Variants in CTNND1 observed in about 807,000 individuals in gnomAD.
CTNND1 encodes the protein catenin delta-1.
In CTNND1, 16 loss-of-function variants were observed where a neutral mutation model predicts 112.1. The ratio of observed to expected loss-of-function variants is 0.14; its 90% CI spans 0.10 to 0.22. The LOEUF is 0.22. Ranked by LOEUF, CTNND1 falls within the 10% of genes least tolerant of loss-of-function variation. The pLI, the probability that CTNND1 is intolerant of heterozygous loss-of-function variation, is 1.00. For synonymous variants in CTNND1, 420 were observed against 446.5 expected (o/e 0.94, Z 0.75); for missense variants, 1,008 against 1,257.0 (o/e 0.80, Z 3.00).
Position 57,806,908 on chromosome 11 carries a change from T to A in CTNND1, c.1895-7T>A. 2 of 1,590,218 alleles carry A rather than the reference T, an allele frequency of 1.3e-6. No homozygotes were observed. The highest frequency in any genetic ancestry group is 1.7e-6 in the Non-Finnish European group (2 of 1,167,702). The stretch of plus-strand genomic sequence containing the variant: ...ACCCCTTTTCCCGCCCTTTTTCATT[T>A]TTGTAGGGAAAAAACCTATAGAGGA... On this transcript the variant is annotated splice_polypyrimidine_tract_variant and splice_region_variant and intron_variant, in intron 11 of 20. Coordinates refer to ENST00000399050, the MANE Select transcript of CTNND1 (RefSeq NM_001085458.2).
intron 1 of CTNND1, among the ~76,000 whole-genome samples, chr11:57,787,485 C>G (rs2060255922): frequency 2.0e-5 from 3 of 152,204 alleles, no homozygotes; most frequent in Non-Finnish European, 4.4e-5. Flanking sequence ...ATATAACATA[C>G]ATTGTCTCAC....
intron 3 of CTNND1, among the ~76,000 whole-genome samples, chr11:57,793,659 G>A (rs1156590935): frequency 6.6e-6 from 1 of 152,164 alleles, no homozygotes; most frequent in Non-Finnish European, 1.5e-5. Context: ...AAATTATCTA[G>A]GTCTGTGCTG....
chr11:57,774,033 T>A (rs1443105583), intron 1 of CTNND1, among the ~76,000 whole-genome samples: 2 of 152,252 alleles, frequency 1.3e-5, no homozygotes, highest in Admixed American at 1.3e-4. Context: ...AATGCCATTC[T>A]TCTTTCTTGA....
In CTNND1 at chr11:57,802,158, G is replaced by T. The variant is rs751657184; in HGVS notation, c.1382G>T (p.Arg461Leu). The part of the protein sequence containing the change: ...DGVPALVRLL[R>L]KARDMDLTEV... ...GTGCCTGCCCTTGTGCGATTGCTTC[G>T]AAAGGCTCGTGATATGGACCTTACT... Residue 461 changes from arginine (R) to leucine (L), a missense_variant, in exon 7 of 21, where the codon CGA becomes CTA. Physicochemically the swap from Arg to Leu is moderately radical, Grantham distance 102. Coordinates refer to ENST00000399050, the MANE Select transcript of CTNND1 (RefSeq NM_001085458.2). The T allele has an allele frequency of 4.3e-6, 7 of 1,613,784 alleles. No individual in the cohort carries two copies. The South Asian group carries it at 6.6e-5, about 15-fold the overall frequency.
intron 1 of CTNND1, among the ~76,000 whole-genome samples, chr11:57,775,788 G>C (rs963534893): frequency 6.6e-6 from 1 of 152,100 alleles, no homozygotes; most frequent in African/African-American, 2.4e-5. Context: ...ACTAATGTTC[G>C]TGTATAGCCG....
Position 57,796,843 on chromosome 11 carries a change from C to T in CTNND1, c.807C>T (p.Ser269=), listed in dbSNP as rs747438328. 1.7e-5 allele frequency: 27 copies of T among 1,611,748 alleles called. No individual in the cohort carries two copies. The highest frequency in any genetic ancestry group is 1.2e-4 in the African/African-American group (9 of 74,900). Reference sequence around the variant, plus strand: ...CCCAGGTTCGGGTAGGTGGGAGCAGCGTGGATCTGCATCGCTTTCATCCAG... The same window carrying T: ...CCCAGGTTCGGGTAGGTGGGAGCAGTGTGGATCTGCATCGCTTTCATCCAG... ...PQPQVRVGGS[S]VDLHRFHPEP... The change falls in exon 6 of 21, where the codon AGC becomes AGT. Residue 269 remains serine, a synonymous_variant. Coordinates refer to ENST00000399050, the MANE Select transcript of CTNND1 (RefSeq NM_001085458.2).
Position 57,766,292 on chromosome 11 carries a change from A to G in CTNND1, c.-214+4173A>G, listed in dbSNP as rs72929820. Among the ~76,000 whole-genome samples, 1,118 of 152,266 alleles carry G rather than the reference A, an allele frequency of 7.3e-3. 5 individuals are homozygous for G. Among genetic ancestry groups the G allele is most frequent in the Non-Finnish European group, 0.013 (862 of 68,024 alleles). Reference sequence around the variant, plus strand: ...TTCTGTGCTTGTTAATAAAAACGTTAAGAGCTTGGGATGATAGTTTTGAAC... The same window carrying G: ...TTCTGTGCTTGTTAATAAAAACGTTGAGAGCTTGGGATGATAGTTTTGAAC... On this transcript the variant is annotated intron_variant, in intron 1 of 20. Transcript: ENST00000399050.
Position 57,809,575 on chromosome 11 carries a change from G to A in CTNND1, c.2435+109G>A, listed in dbSNP as rs1394007669. The A allele has an allele frequency of 4.4e-6, 4 of 916,060 alleles. No homozygotes were observed. In the African/African-American group the frequency reaches 5.0e-5, roughly 11 times the overall value. The allele number at this position is 916,060 out of a possible 1,614,324, so 56.7% of individuals were successfully genotyped here. ...ATTTCCCCTTATTTACGTGTAATGTGTGAAGAGCTATTGCTCTATTATCTG... is the reference window on the plus strand; with the variant it reads ...ATTTCCCCTTATTTACGTGTAATGTATGAAGAGCTATTGCTCTATTATCTG... On this transcript the variant is annotated intron_variant, in intron 15 of 20. Transcript: ENST00000399050.
intron 5 of CTNND1, among the ~76,000 whole-genome samples, chr11:57,796,169 G>A (rs2061338678): frequency 6.6e-6 from 1 of 151,982 alleles, no homozygotes; most frequent in South Asian, 2.1e-4. Context: ...GGCGGATCAC[G>A]AGGTCAGGAG....
chr11:57,810,631 TA>T, intron 16 of CTNND1, among the ~76,000 whole-genome samples: 1 of 151,920 alleles, frequency 6.6e-6, no homozygotes, highest in East Asian at 1.9e-4. Context: ...GGCCTCATGT[TA>T]AATCTATTTT....
intron 1 of CTNND1, among the ~76,000 whole-genome samples, chr11:57,782,393 A>G (rs2059670812): frequency 6.6e-6 from 1 of 152,198 alleles, no homozygotes; most frequent in Non-Finnish European, 1.5e-5. Context: ...ACTAAATTAA[A>G]TTTAACAGTG....
intron 1 of CTNND1, among the ~76,000 whole-genome samples, chr11:57,783,010 G>C (rs1005129849): frequency 1.3e-5 from 2 of 152,250 alleles, no homozygotes; most frequent in Admixed American, 1.3e-4. Context: ...ACATGGTTGG[G>C]CATGGTGGCT....
rs755258135 is a variant in CTNND1 at position 57,791,507 on chromosome 11, C to T, written c.29C>T (p.Ala10Val). The part of the protein sequence containing the change: MDDSEVEST[A>V]SILASVKEQE... The stretch of plus-strand genomic sequence containing the variant: ...GACGACTCAGAGGTGGAGTCGACCG[C>T]CAGCATCTTGGCCTCTGTGAAGGAA... The change falls in exon 3 of 21, where the codon GCC becomes GTC. Residue 10 changes from alanine to valine, a missense_variant. By Grantham distance (64) the Ala-to-Val change is moderately conservative. Coordinates refer to ENST00000399050, the MANE Select transcript of CTNND1 (RefSeq NM_001085458.2). The T allele has an allele frequency of 7.4e-5, 117 of 1,576,216 alleles. No homozygotes were observed. In the Admixed American group the frequency reaches 2.1e-3, roughly 29 times the overall value.
rs200092523 is a variant in CTNND1 at position 57,800,268 on chromosome 11, CT to C, written c.957-1452del. Among the ~76,000 whole-genome samples the C allele has an allele frequency of 7.5e-3, 1,068 of 142,104 alleles. 4 individuals are homozygous for C. Among genetic ancestry groups the C allele is most frequent in the Non-Finnish European group, 9.9e-3 (643 of 64,696 alleles). 93.2% of individuals were successfully genotyped at this position (142,104 alleles called of 152,430 possible). Reference sequence around the variant, plus strand: ...TTGATTTGAAGGGTTTAATCTTGACCTTTTTTTTTTTTTCTTCGAAATAGAG... The same window carrying C: ...TTGATTTGAAGGGTTTAATCTTGACCTTTTTTTTTTTTCTTCGAAATAGAG... On this transcript the variant is annotated intron_variant, in intron 6 of 20. Transcript: ENST00000399050.
At chr11:57,767,424 T>C (rs908251292) in intron 1 of CTNND1, among the ~76,000 whole-genome samples, 1 of 152,248 alleles carries the variant, frequency 6.6e-6, no homozygotes, top group African/African-American at 2.4e-5. Flanking sequence ...GTAACTGGTA[T>C]ACTCTTCATT....
chr11:57,794,543 T>C (rs965756903), intron 4 of CTNND1, among the ~76,000 whole-genome samples: 1 of 151,512 alleles, frequency 6.6e-6, no homozygotes, highest in African/African-American at 2.4e-5. Flanking sequence ...CCCAGCACTT[T>C]GGGAGGCTGA....
chr11:57,799,701 G>A (rs2061766643), intron 6 of CTNND1, among the ~76,000 whole-genome samples: 1 of 152,066 alleles, frequency 6.6e-6, no homozygotes, highest in African/African-American at 2.4e-5. Flanking sequence ...AAAGGATATA[G>A]GATAGAGTTA....
chr11:57,783,786 C>T (rs1293375899), intron 1 of CTNND1, among the ~76,000 whole-genome samples: 1 of 152,094 alleles, frequency 6.6e-6, no homozygotes, highest in Non-Finnish European at 1.5e-5. Flanking sequence ...CCAGTTAAGG[C>T]AAATAAATGC....
chr11:57,816,355 T>C lies in CTNND1; in HGVS notation c.*47T>C. 6.2e-7 allele frequency: 1 copy of C among 1,610,574 alleles called. No homozygotes were observed. Among genetic ancestry groups the C allele is most frequent in the East Asian group, 2.2e-5 (1 of 44,870 alleles). On this transcript the variant is annotated 3_prime_UTR_variant, in exon 21 of 21. Coordinates refer to ENST00000399050, the MANE Select transcript of CTNND1 (RefSeq NM_001085458.2). ...TGGGCTTATATGTACTTTTATTTTT[T>C]GGTGGTGAAATTGACTGATGATTTT...
Sources: gnomAD v4.1 joint callset for allele counts (sites outside exome capture counted in the v4.1 genomes callset) on GRCh38, gnomAD v4.1.1 for gene constraint, MANE v1.5 for transcripts, NCBI Gene and HGNC (gene_info 2026-07-23, HGNC 2026-07-21) for gene names.